MN1: variants seen among roughly 807,000 people sequenced by gnomAD.
MN1 encodes MN1 proto-oncogene, transcriptional regulator, also known as transcriptional activator MN1.
Under a neutral mutation model 86.9 loss-of-function variants are expected in MN1, and 19 were observed. The ratio of observed to expected loss-of-function variants is 0.22; its 90% CI spans 0.15 to 0.32. The LOEUF (loss-of-function observed/expected upper bound fraction) is 0.32, where lower values mean the gene tolerates loss of function less well. Among genes scored for constraint, MN1 ranks in the 10% least tolerant of loss-of-function variants. The probability of loss-of-function intolerance (pLI) is 1.00; values close to 1 mark genes in which losing one functional copy is unlikely to be tolerated. For synonymous variants in MN1, 928 were observed against 849.6 expected, an observed-to-expected ratio of 1.09 and a Z score of -1.60; for missense variants, 1,841 against 1,862.0, an observed-to-expected ratio of 0.99 and a Z score of 0.21.
intron 1 of MN1, among the ~76,000 whole-genome samples, chr22:27,768,227 G>A (rs1932885303): frequency 6.6e-6 from 1 of 152,174 alleles, no homozygotes; most frequent in Admixed American, 6.5e-5. Context: ...CATGTTTCCT[G>A]GATTGTCACA....
chr22:27,770,995 G>T (rs1227465518), intron 1 of MN1, among the ~76,000 whole-genome samples: 1 of 151,936 alleles, frequency 6.6e-6, no homozygotes, highest in Non-Finnish European at 1.5e-5. Context: ...CCCATAAAAG[G>T]TATTTCGAGT....
chr22:27,800,911 G>A lies in MN1; in HGVS notation c.-368C>T. On this transcript the variant is annotated 5_prime_UTR_variant, in exon 1 of 2. Transcript: ENST00000302326. ...TTAAGTGGGGGGAATGGGGAGGGAA[G>A]GGGGTTGGGAGAGCAGAGCGATCAC... is the stretch of plus-strand genomic sequence containing the variant. The A allele has an allele frequency of 4.8e-6, 2 of 414,806 alleles. No individual in the cohort carries two copies. The highest frequency in any genetic ancestry group is 8.8e-6 in the Non-Finnish European group (2 of 226,336). 25.7% of individuals were successfully genotyped at this position (414,806 alleles called of 1,614,324 possible).
In MN1 at chr22:27,798,363, C is replaced by T; in HGVS notation, c.2181G>A (p.Glu727=). 1.3e-6 allele frequency: 2 copies of T among 1,501,774 alleles called. No individual in the cohort carries two copies. Among genetic ancestry groups the T allele is most frequent in the East Asian group, 2.6e-5 (1 of 38,700 alleles). The allele number at this position is 1,501,774 out of a possible 1,614,324, so 93.0% of individuals were successfully genotyped here. ...AGVGLPSAAS[E]RRPPPPDFAT... is the part of the protein sequence containing the mutation. The stretch of plus-strand genomic sequence containing the variant: ...CAAAGTCCGGCGGCGGGGGCCGGCG[C>T]TCCGAAGCAGCGCTGGGGAGCCCCA... Residue 727 remains glutamate, a synonymous_variant, in exon 1 of 2, where the codon GAG becomes GAA. Coordinates refer to ENST00000302326, the MANE Select transcript of MN1 (RefSeq NM_002430.3).
At chr22:27,796,064 C>T (rs984952141) in intron 1 of MN1, among the ~76,000 whole-genome samples, 1 of 151,888 alleles carries the variant, frequency 6.6e-6, no homozygotes, top group African/African-American at 2.4e-5. Context: ...CACTCCCCCT[C>T]CCCAACCCCA....
In MN1 at chr22:27,800,409, AG is replaced by A. The variant is rs1173149931; in HGVS notation, c.134del (p.Pro45LeufsTer8). On this transcript the variant is annotated frameshift_variant, in exon 1 of 2. Transcript: ENST00000302326. LOFTEE classifies it high-confidence loss of function. ...CGCTCATAGCAGGATCCACAGGGCC[AG>A]GGGGCCCCCCAGTGTGGAAAGCCGG... The part of the protein sequence containing the change: ...KAPAFHTGGP[P>X]GPVDPAMSAL... 1.9e-6 allele frequency: 3 copies of A among 1,614,032 alleles called. No individual in the cohort carries two copies. Among genetic ancestry groups the A allele is most frequent in the Non-Finnish European group, 2.5e-6 (3 of 1,179,968 alleles).
intron 1 of MN1, among the ~76,000 whole-genome samples, chr22:27,765,493 AG>A (rs1796715247): frequency 6.6e-6 from 1 of 152,230 alleles, no homozygotes; most frequent in South Asian, 2.1e-4. Context: ...CAGCCACGTC[AG>A]GCAGGAGGGA....
chr22:27,782,107 G>A (rs1933061547), intron 1 of MN1, among the ~76,000 whole-genome samples: 2 of 152,162 alleles, frequency 1.3e-5, no homozygotes, highest in African/African-American at 4.8e-5. Context: ...GGGGGCACAG[G>A]GAGAGCTGTC....
At chr22:27,775,873 C>G (rs1932971598) in intron 1 of MN1, among the ~76,000 whole-genome samples, 1 of 152,352 alleles carries the variant, frequency 6.6e-6, no homozygotes, top group Non-Finnish European at 1.5e-5. Flanking sequence ...GAGGCTGCCC[C>G]TCTGCTCCCT....
At chr22:27,776,335 A>G (rs1601332442) in intron 1 of MN1, among the ~76,000 whole-genome samples, 2 of 152,210 alleles carry the variant, frequency 1.3e-5, no homozygotes, top group East Asian at 3.9e-4. Flanking sequence ...TAAGGAATTT[A>G]TCAAATGAGA....
At chr22:27,779,016 A>G (rs1345944138) in intron 1 of MN1, among the ~76,000 whole-genome samples, 1 of 152,272 alleles carries the variant, frequency 6.6e-6, no homozygotes, top group East Asian at 1.9e-4. Flanking sequence ...CCCTGCAGAG[A>G]TGGGGGTGAA....
chr22:27,755,932 GCT>G (rs1482696182), intron 1 of MN1, among the ~76,000 whole-genome samples: 1 of 152,238 alleles, frequency 6.6e-6, no homozygotes, highest in Non-Finnish European at 1.5e-5. Flanking sequence ...CATCACTTCA[GCT>G]CTCAGAACCT....
chr22:27,753,058 GCCCCCA>G (rs1322176755), intron 1 of MN1, among the ~76,000 whole-genome samples: 7 of 152,236 alleles, frequency 4.6e-5, no homozygotes. Flanking sequence ...TGGGCTTGGG[GCCCCCA>G]CCCTGGAGCC....
intron 1 of MN1, among the ~76,000 whole-genome samples, chr22:27,784,265 T>C (rs768188102): frequency 6.4e-4 from 98 of 152,244 alleles, no homozygotes; most frequent in Admixed American, 2.8e-3. Flanking sequence ...CAGGCCTGAG[T>C]GCACACGGCT....
intron 1 of MN1, among the ~76,000 whole-genome samples, chr22:27,765,647 G>A (rs1005360326): frequency 2.0e-5 from 3 of 152,328 alleles, no homozygotes; most frequent in East Asian, 1.9e-4. Flanking sequence ...GTGACCGGCC[G>A]GGCAAGCGGG....
At chr22:27,793,899 G>T (rs45487796) in intron 1 of MN1, among the ~76,000 whole-genome samples, 1 of 152,102 alleles carries the variant, frequency 6.6e-6, no homozygotes, top group East Asian at 1.9e-4. Context: ...TTTCAGAAAC[G>T]GTGTTAATAT....
chr22:27,799,639 T>G lies in MN1; in HGVS notation c.905A>C (p.Gln302Pro). The G allele has an allele frequency of 1.3e-6, 2 of 1,527,858 alleles. No individual in the cohort carries two copies. The highest frequency in any genetic ancestry group is 2.1e-5 in the Admixed American group (1 of 48,128). The allele number at this position is 1,527,858 out of a possible 1,614,324, so 94.6% of individuals were successfully genotyped here. A position where few individuals can be genotyped will look rare whatever the true frequency, so the allele number is the denominator to read the frequency against. ...ATGCTGCTGCTGCTGCTGCTGGGGC[T>G]GCTGCTGCTGCTGGGGCTGCTGCTG... ...PPQQQPQQQQQPQQQQQQHGV... is the reference protein window; with the variant it reads ...PPQQQPQQQQPPQQQQQQHGV... Residue 302 changes from glutamine to proline, a missense_variant, in exon 1 of 2, where the codon CAG (glutamine) becomes CCG (proline). Gln to Pro is a moderately conservative substitution (Grantham distance 76). Coordinates refer to ENST00000302326, the MANE Select transcript of MN1 (RefSeq NM_002430.3).
At chr22:27,773,095 C>T (rs989066278) in intron 1 of MN1, among the ~76,000 whole-genome samples, 3 of 151,780 alleles carry the variant, frequency 2.0e-5, no homozygotes, top group African/African-American at 7.3e-5. Flanking sequence ...CCGCCCCTCC[C>T]CAGACTCCCA....
In MN1 at chr22:27,800,498, C is replaced by A. The variant is rs747710930; in HGVS notation, c.46G>T (p.Ala16Ser). The A allele has an allele frequency of 5.6e-6, 9 of 1,614,090 alleles. 1 individual carries two copies. In the South Asian group the frequency reaches 7.7e-5, roughly 14 times the overall value. The change falls in exon 1 of 2, where the codon GCT becomes TCT. Residue 16 changes from alanine (A) to serine (S), a missense_variant. Physicochemically the swap from Ala to Ser is moderately conservative, Grantham distance 99. Coordinates refer to ENST00000302326, the MANE Select transcript of MN1 (RefSeq NM_002430.3). The part of the protein sequence containing the change: ...QFEPQVNSRN[A>S]GQGERNFNET... ...TTAAAGTTCCTCTCGCCCTGGCCAG[C>A]GTTCCTGCTGTTGACCTGGGGCTCG...
chr22:27,786,009 C>T (rs1436689429), intron 1 of MN1, among the ~76,000 whole-genome samples: 1 of 152,258 alleles, frequency 6.6e-6, no homozygotes, highest in Non-Finnish European at 1.5e-5. Context: ...GGCTCAGCGC[C>T]GCAAAGACTC....
Sources: gnomAD v4.1 joint callset for allele counts (sites outside exome capture counted in the v4.1 genomes callset) on GRCh38, gnomAD v4.1.1 for gene constraint, MANE v1.5 for transcripts, NCBI Gene and HGNC (gene_info 2026-07-23, HGNC 2026-07-21) for gene names.